The following GSAP variants were observed in gnomAD, a reference collection of about 807,000 sequenced individuals.
The protein encoded by GSAP is gamma-secretase activating protein, also known as gamma-secretase-activating protein.
A neutral mutation model predicts 131.7 loss-of-function variants in GSAP; 118 were observed. That is an observed-to-expected ratio of 0.90 (90% CI 0.77 to 1.04). The LOEUF (loss-of-function observed/expected upper bound fraction) is 1.04. GSAP is among the 50% of genes least tolerant of loss of function. The pLI is 0.00. For missense variants in GSAP, 1,019 were observed against 1,013.2 expected (o/e 1.01, Z -0.08); for synonymous variants, 381 against 363.4 (o/e 1.05, Z -0.55).
chr7:77,331,306 A>C (rs749832661), intron 19 of GSAP, among the ~76,000 whole-genome samples: 11 of 152,240 alleles, frequency 7.2e-5, no homozygotes, highest in Non-Finnish European at 1.5e-5. Context: ...GTCTCAAAAA[A>C]AATAAAAATA....
intron 18 of GSAP, 89 bp downstream of exon 18, chr7:77,352,855 C>T (rs1584435198): frequency 1.4e-6 from 1 of 731,432 alleles, no homozygotes; most frequent in East Asian, 2.6e-5. Flanking sequence ...GAAATCACGA[C>T]CTTGATGGCT....
chr7:77,394,999 A>T (rs1480850356), intron 5 of GSAP, among the ~76,000 whole-genome samples: 1 of 152,260 alleles, frequency 6.6e-6, no homozygotes, highest in African/African-American at 2.4e-5. Flanking sequence ...ATGCAAGCAG[A>T]TCATCTCACT....
chr7:77,403,460 T>TG (rs1405676896), intron 3 of GSAP, among the ~76,000 whole-genome samples: 1 of 152,222 alleles, frequency 6.6e-6, no homozygotes, highest in African/African-American at 2.4e-5. Flanking sequence ...ATGTCTAATA[T>TG]TCAATTCTAA....
intron 3 of GSAP, among the ~76,000 whole-genome samples, chr7:77,398,891 G>T (rs1800864102): frequency 6.6e-6 from 1 of 152,090 alleles, no homozygotes; most frequent in South Asian, 2.1e-4. Context: ...CAGTTACATT[G>T]CAAGTTTTTT....
chr7:77,416,070 C>G (rs972514102), intron 1 of GSAP, 143 bp downstream of exon 1: 1 of 506,242 alleles, frequency 2.0e-6, no homozygotes, highest in African/African-American at 2.0e-5. Flanking sequence ...CAAAACAGCC[C>G]TCTGAGGAGG....
Position 77,397,133 on chromosome 7 carries a change from A to G in GSAP, c.314-98T>C, listed in dbSNP as rs114029634. On this transcript the variant is annotated intron_variant, in intron 4 of 30. Transcript: ENST00000257626. The stretch of plus-strand genomic sequence containing the variant: ...CCTGAAATAGATGAGGGCTCAAAGG[A>G]TATGTCAACGGAAGATAAGGGCAGA... The G allele has an allele frequency of 8.6e-4, 685 of 797,638 alleles. 1 individual carries two copies. In the African/African-American group the frequency reaches 0.011, roughly 13 times the overall value. The allele number at this position is 797,638 out of a possible 1,614,324, so 49.4% of individuals were successfully genotyped here.
intron 5 of GSAP, among the ~76,000 whole-genome samples, chr7:77,390,946 TAAAAAAAAAAAAAAAAAAAAAAAAAA>T (rs71085453): frequency 2.6e-5 from 1 of 37,928 alleles, no homozygotes; most frequent in Non-Finnish European, 5.4e-5. Context: ...AGACTCCGTC[TAAAAAAAAAAAAAAAAAAAAAAAAAA>T]AAAAAAAAAA....
chr7:77,406,370 C>T (rs1299292055), intron 1 of GSAP, among the ~76,000 whole-genome samples: 2 of 152,136 alleles, frequency 1.3e-5, no homozygotes, highest in Admixed American at 6.5e-5. Flanking sequence ...TACTGATATA[C>T]TCTGCAATAA....
At chr7:77,406,588 T>C (rs969571613) in intron 1 of GSAP, among the ~76,000 whole-genome samples, 3 of 152,194 alleles carry the variant, frequency 2.0e-5, no homozygotes, top group African/African-American at 4.8e-5. Context: ...GATTAAAAAG[T>C]TAATATTAAC....
chr7:77,318,997 A>G (rs1787244330), intron 26 of GSAP, among the ~76,000 whole-genome samples: 1 of 152,106 alleles, frequency 6.6e-6, no homozygotes, highest in African/African-American at 2.4e-5. Flanking sequence ...GCATACCAAC[A>G]TGGCACATGT....
At chr7:77,383,331 C>T (rs1798059977) in intron 6 of GSAP, among the ~76,000 whole-genome samples, 1 of 152,102 alleles carries the variant, frequency 6.6e-6, no homozygotes, top group East Asian at 1.9e-4. Context: ...CACACACACA[C>T]ACACACACAC....
rs772643433 is a variant in GSAP, at chr7:77,355,242, C to G, written c.1309G>C (p.Gly437Arg). ...MAALHCALYC[G>R]QGAQFLEAQI... ...GCTTCCAGGAACTGCGCACCTTGAC[C>G]GCAGTAGAGCGCGCAGTGCAACGCA... is the stretch of plus-strand genomic sequence containing the variant. Residue 437 changes from glycine to arginine, a missense_variant, in exon 16 of 31, where the codon GGT becomes CGT. Gly to Arg is a moderately radical substitution (Grantham distance 125, BLOSUM62 -2). Coordinates refer to ENST00000257626, the MANE Select transcript of GSAP (RefSeq NM_017439.4). 1.5e-5 allele frequency: 25 copies of G among 1,613,440 alleles called. No homozygotes were observed. Among genetic ancestry groups the G allele is most frequent in the African/African-American group, 2.7e-5 (2 of 74,884 alleles).
chr7:77,323,589 G>T, intron 24 of GSAP, 58 bp downstream of exon 24: 1 of 803,516 alleles, frequency 1.2e-6, no homozygotes, highest in Non-Finnish European at 2.0e-6. Context: ...CACATTTTCA[G>T]AACTATATGG....
chr7:77,315,531 C>A (rs1381550061), intron 26 of GSAP: 1 of 152,182 alleles, frequency 6.6e-6, no homozygotes, highest in Non-Finnish European at 1.5e-5. Context: ...TTACTAGATT[C>A]CCATTTCATA....
intron 19 of GSAP, among the ~76,000 whole-genome samples, chr7:77,348,259 A>G: frequency 6.6e-6 from 1 of 152,328 alleles, no homozygotes; most frequent in Admixed American, 6.5e-5. Context: ...GAATGGGTGG[A>G]ATCTTTTAAA....
chr7:77,321,300 A>G, intron 25 of GSAP, 33 bp downstream of exon 25: 2 of 1,347,776 alleles, frequency 1.5e-6, no homozygotes, highest in Non-Finnish European at 2.1e-6. Flanking sequence ...CACTCTTTGT[A>G]CACCATGATA....
chr7:77,402,456 G>A (rs532298467), intron 3 of GSAP, among the ~76,000 whole-genome samples: 17 of 148,306 alleles, frequency 1.1e-4, no homozygotes, highest in Non-Finnish European at 2.2e-4. Flanking sequence ...TTAGCTGGGC[G>A]TGGTGGCACA....
rs1226186178 is a variant in GSAP at position 77,329,548 on chromosome 7, A to G, written c.1675-157T>C. The G allele has an allele frequency of 9.5e-6, 4 of 419,498 alleles. No individual in the cohort carries two copies. The East Asian group carries it at 1.2e-4, about 12-fold the overall frequency. 26.0% of individuals were successfully genotyped at this position (419,498 alleles called of 1,614,324 possible). A position where few individuals can be genotyped will look rare whatever the true frequency, so the allele number is the denominator to read the frequency against. ...TAGATTTTTTTTAAAGTTTTAAGAA[A>G]TATTTTATTCTGAAACAATTACAGA... On this transcript the variant is annotated intron_variant, in intron 20 of 30. Transcript: ENST00000257626.
chr7:77,320,940 T>C (rs551793223), intron 25 of GSAP, 121 bp from the exon 26 acceptor site: 355 of 667,304 alleles, frequency 5.3e-4, no homozygotes, highest in Non-Finnish European at 8.7e-4. Flanking sequence ...ATGCTATGCC[T>C]TGTAGAAAGC....
Sources: allele counts gnomAD v4.1 joint callset (sites outside exome capture counted in the v4.1 genomes callset), GRCh38; gene constraint gnomAD v4.1.1; transcripts MANE v1.5; gene names NCBI Gene and HGNC (gene_info 2026-07-23, HGNC 2026-07-21).